The following SLC4A4 variants were observed in gnomAD, a reference collection of about 807,000 sequenced individuals.
SLC4A4 encodes the protein electrogenic sodium bicarbonate cotransporter 1.
In SLC4A4, 27 loss-of-function variants were observed where a neutral mutation model predicts 111.5. The ratio of observed to expected loss-of-function variants is 0.24; its 90% CI spans 0.18 to 0.33. The LOEUF is 0.33. Ranked by LOEUF, SLC4A4 falls within the 10% of genes least tolerant of loss-of-function variation. The pLI is 1.00. For missense variants in SLC4A4, 909 were observed against 1,315.5 expected, an observed-to-expected ratio of 0.69 and a Z score of 4.78; for synonymous variants, 443 against 463.4, an observed-to-expected ratio of 0.96 and a Z score of 0.57.
At chr4:71,400,618 A>C (rs1176215989) in intron 7 of SLC4A4, among the ~76,000 whole-genome samples, 1 of 152,182 alleles carries the variant, frequency 6.6e-6, no homozygotes, top group Non-Finnish European at 1.5e-5. Context: ...CTCTCTTCCT[A>C]CCAGAGTTTG....
At chr4:71,400,009 C>T (rs747226192) in intron 7 of SLC4A4, among the ~76,000 whole-genome samples, 5 of 152,174 alleles carry the variant, frequency 3.3e-5, no homozygotes, top group Admixed American at 1.3e-4. Context: ...AAATTTATTT[C>T]GCACATTTTG....
intron 2 of SLC4A4, among the ~76,000 whole-genome samples, chr4:71,242,722 A>G (rs921638014): frequency 6.6e-6 from 1 of 150,964 alleles, no homozygotes; most frequent in Middle Eastern, 3.2e-3. Flanking sequence ...TTAATTAATT[A>G]TTTTCTTATA....
chr4:71,277,872 C>T (rs546608827), intron 3 of SLC4A4, among the ~76,000 whole-genome samples: 49 of 152,154 alleles, frequency 3.2e-4, no homozygotes, highest in Non-Finnish European at 6.2e-4. Flanking sequence ...ATTTTATATA[C>T]ATATATGTTG....
chr4:71,132,542 G>GGGTA (rs1023997779), intron 2 of SLC4A4, among the ~76,000 whole-genome samples: 28 of 152,178 alleles, frequency 1.8e-4, no homozygotes, highest in African/African-American at 5.1e-4. Flanking sequence ...TTTATAGCAA[G>GGGTA]GGTAGGGAAT....
intron 1 of SLC4A4, among the ~76,000 whole-genome samples, chr4:71,225,857 T>A (rs1719016263): frequency 6.6e-6 from 1 of 152,230 alleles, no homozygotes; most frequent in African/African-American, 2.4e-5. Flanking sequence ...CAGACTACAA[T>A]GAATATGAAT....
chr4:71,178,865 G>T (rs1299773221), intron 2 of SLC4A4, among the ~76,000 whole-genome samples: 3 of 152,112 alleles, frequency 2.0e-5, no homozygotes, highest in Admixed American at 6.6e-5. Flanking sequence ...GAGGCCAGCA[G>T]CATCCTGATA....
chr4:71,547,644 T>G lies in SLC4A4; in HGVS notation c.2622-4T>G. 6.2e-7 allele frequency: 1 copy of G among 1,610,646 alleles called. No homozygotes were observed. Among genetic ancestry groups the G allele is most frequent in the Non-Finnish European group, 8.5e-7 (1 of 1,177,384 alleles). Reference sequence around the variant, plus strand: ...AGATTGGTAATCTTTTGATTTGGTTTCAGGGAACAAAGAGTCACTGGAACC... The same window carrying G: ...AGATTGGTAATCTTTTGATTTGGTTGCAGGGAACAAAGAGTCACTGGAACC... On this transcript the variant is annotated splice_polypyrimidine_tract_variant and splice_region_variant and intron_variant, in intron 19 of 25. Transcript: ENST00000264485.
Position 71,466,567 on chromosome 4 carries a change from A to C in SLC4A4, c.1621A>C (p.Asn541His), listed in dbSNP as rs1488682174. ...CCTAGTTTTTGAGAGGCTTCTATTT[A>C]ATTTCAGCAAGTATGTACATACATA... is the stretch of plus-strand genomic sequence containing the variant. ...PVLVFERLLF[N>H]FSKDNNFDYL... The change falls in exon 13 of 26, where the codon AAT becomes CAT. Residue 541 changes from asparagine (N) to histidine (H), a missense_variant. Physicochemically the swap from Asn to His is moderately conservative, Grantham distance 68. Transcript: ENST00000264485. 6.2e-7 allele frequency: 1 copy of C among 1,613,408 alleles called. No individual in the cohort carries two copies. The highest frequency in any genetic ancestry group is 8.5e-7 in the Non-Finnish European group (1 of 1,179,584).
At chr4:71,150,460 G>A (rs763202155) in intron 2 of SLC4A4, among the ~76,000 whole-genome samples, 6 of 152,122 alleles carry the variant, frequency 3.9e-5, no homozygotes, top group Non-Finnish European at 8.8e-5. Context: ...CATGTGCAGA[G>A]AGAGAACTAA....
At chr4:71,561,157 A>C (rs1043327409) in intron 23 of SLC4A4, among the ~76,000 whole-genome samples, 4 of 151,742 alleles carry the variant, frequency 2.6e-5, no homozygotes, top group African/African-American at 7.2e-5. Context: ...GAATATTGTT[A>C]ATTGTTAGTT....
intron 6 of SLC4A4, among the ~76,000 whole-genome samples, chr4:71,394,975 A>T (rs953920765): frequency 6.6e-6 from 1 of 152,170 alleles, no homozygotes; most frequent in East Asian, 1.9e-4. Context: ...GGTGCAGTAT[A>T]TATTGCTTGG....
At chr4:71,388,331 A>G (rs912327913) in intron 6 of SLC4A4, among the ~76,000 whole-genome samples, 5 of 152,116 alleles carry the variant, frequency 3.3e-5, no homozygotes, top group African/African-American at 7.2e-5. Context: ...GAGAACTACA[A>G]TCACAAATAC....
At chr4:71,468,791 C>T (rs987517913) in intron 13 of SLC4A4, among the ~76,000 whole-genome samples, 3 of 151,004 alleles carry the variant, frequency 2.0e-5, no homozygotes, top group Non-Finnish European at 3.0e-5. Context: ...ATACTATATA[C>T]CCCCCTCTTG....
At position 71,352,364 on chromosome 4, in the gene SLC4A4, A is replaced by T. The variant is rs183107628; in HGVS notation, c.550+2292A>T. The stretch of plus-strand genomic sequence containing the variant: ...GGGTCACCAGGAAGAGTCCCTTATT[A>T]AAAAAAACACAATTTTTTACCATAG... On this transcript the variant is annotated intron_variant, in intron 5 of 25. Transcript: ENST00000264485. 3.3e-5 allele frequency among the ~76,000 whole-genome samples: 5 copies of T among 150,856 alleles called. 1 individual carries two copies. Among genetic ancestry groups the T allele is most frequent in the East Asian group, 1.9e-4 (1 of 5,166 alleles).
chr4:71,475,115 A>G (rs531721302), intron 14 of SLC4A4, among the ~76,000 whole-genome samples: 24 of 151,844 alleles, frequency 1.6e-4, no homozygotes, highest in African/African-American at 4.6e-4. Flanking sequence ...TTATTTATTT[A>G]CGACTTCTTA....
intron 12 of SLC4A4, among the ~76,000 whole-genome samples, chr4:71,456,419 G>T (rs908804356): frequency 2.6e-5 from 4 of 152,126 alleles, no homozygotes; most frequent in Non-Finnish European, 5.9e-5. Context: ...ATATTTTAAG[G>T]ACTAGGGAGT....
At chr4:71,088,183 C>G (rs1272258700) in intron 1 of SLC4A4, among the ~76,000 whole-genome samples, 2 of 151,066 alleles carry the variant, frequency 1.3e-5, no homozygotes, top group African/African-American at 2.4e-5. Context: ...CTCTTTTGAT[C>G]TTTGATGGCT....
chr4:71,091,027 A>G (rs1178483418), intron 1 of SLC4A4, among the ~76,000 whole-genome samples: 2 of 152,282 alleles, frequency 1.3e-5, no homozygotes, highest in Admixed American at 1.3e-4. Context: ...AGCTGCCTGT[A>G]ACCTCTGCCT....
chr4:71,145,246 C>A (rs998538624), intron 2 of SLC4A4, among the ~76,000 whole-genome samples: 2 of 152,036 alleles, frequency 1.3e-5, no homozygotes, highest in Non-Finnish European at 2.9e-5. Flanking sequence ...TGCTGGATTA[C>A]GTTTATTGAT....
Sources: gnomAD v4.1 joint callset for allele counts (sites outside exome capture counted in the v4.1 genomes callset) on GRCh38, gnomAD v4.1.1 for gene constraint, MANE v1.5 for transcripts, NCBI Gene and HGNC (gene_info 2026-07-23, HGNC 2026-07-21) for gene names.